The following MINDY4 variants were observed in gnomAD, a reference collection of about 807,000 sequenced individuals.
The protein encoded by MINDY4 is MINDY lysine 48 deubiquitinase 4, also known as probable ubiquitin carboxyl-terminal hydrolase MINDY-4.
In MINDY4, 68 loss-of-function variants were observed where a neutral mutation model predicts 87.0. The observed-to-expected ratio is 0.78, with a 90% CI of 0.64 to 0.96. The LOEUF (loss-of-function observed/expected upper bound fraction) is 0.96, where lower values mean the gene tolerates loss of function less well. MINDY4 is among the 40% of genes least tolerant of loss of function. The pLI is 0.00. For synonymous variants in MINDY4, 379 were observed against 363.2 expected, an observed-to-expected ratio of 1.04 and a Z score of -0.50; for missense variants, 919 against 928.2, an observed-to-expected ratio of 0.99 and a Z score of 0.13.
intron 13 of MINDY4, among the ~76,000 whole-genome samples, chr7:30,864,924 A>G (rs1789886863): frequency 6.6e-6 from 1 of 152,222 alleles, no homozygotes; most frequent in Non-Finnish European, 1.5e-5. Flanking sequence ...TCTGGGGGGA[A>G]TCACGGGGGT....
intron 1 of MINDY4, among the ~76,000 whole-genome samples, chr7:30,774,680 T>A (rs954056499): frequency 6.6e-6 from 1 of 151,970 alleles, no homozygotes; most frequent in Non-Finnish European, 1.5e-5. Context: ...CCCTTCTTGA[T>A]CTAATGATTA....
intron 4 of MINDY4, chr7:30,786,245 T>C (rs1455352429): frequency 2.1e-6 from 1 of 487,248 alleles, no homozygotes; most frequent in Non-Finnish European, 3.7e-6. Context: ...TGGTTTTCTG[T>C]TCCTCTGCTG....
At chr7:30,817,744 A>G (rs1394331403) in intron 5 of MINDY4, among the ~76,000 whole-genome samples, 1 of 152,224 alleles carries the variant, frequency 6.6e-6, no homozygotes, top group Non-Finnish European at 1.5e-5. Context: ...GTCTGTTGCC[A>G]GGTGATGCCA....
chr7:30,828,798 C>G, intron 6 of MINDY4, 61 bp downstream of exon 6: 2 of 1,571,466 alleles, frequency 1.3e-6, no homozygotes, highest in East Asian at 2.2e-5. Flanking sequence ...CTCGTTGGCT[C>G]TGTCTGGGAG....
At chr7:30,880,184 G>T (rs1179159466) in intron 15 of MINDY4, among the ~76,000 whole-genome samples, 1 of 152,120 alleles carries the variant, frequency 6.6e-6, no homozygotes, top group Non-Finnish European at 1.5e-5. Flanking sequence ...TCCATGGATG[G>T]CTTTAGGCCA....
At chr7:30,867,384 T>G (rs1789972919) in intron 13 of MINDY4, among the ~76,000 whole-genome samples, 1 of 152,308 alleles carries the variant, frequency 6.6e-6, no homozygotes, top group Middle Eastern at 3.4e-3. Flanking sequence ...TTTTTGTTAT[T>G]CTGGTTGTTA....
At chr7:30,795,771 C>A (rs1190357588) in intron 5 of MINDY4, among the ~76,000 whole-genome samples, 1 of 152,178 alleles carries the variant, frequency 6.6e-6, no homozygotes, top group East Asian at 1.9e-4. Context: ...TTGCCTTTTC[C>A]AGGTTTAAGA....
In MINDY4 at chr7:30,840,810, A is replaced by G. The variant is rs1419006872; in HGVS notation, c.1407A>G (p.Lys469=). The G allele has an allele frequency of 1.9e-6, 3 of 1,613,904 alleles. No homozygotes were observed. The highest frequency in any genetic ancestry group is 2.5e-6 in the Non-Finnish European group (3 of 1,179,974). Residue 469 remains lysine, a synonymous_variant, in exon 9 of 18, where the codon AAA becomes AAG. Transcript: ENST00000265299. ...LAAVQGCVLQ[K]LLFEGDSKAD... ...CTGTCCAAGGCTGTGTCCTACAGAA[A>G]CTCCTGTTTGAAGGAGATAGCAAAG...
In MINDY4 at chr7:30,790,811, A is replaced by C. The variant is rs112087917; in HGVS notation, c.664-354A>C. On this transcript the variant is annotated intron_variant, in intron 4 of 17. Coordinates refer to ENST00000265299, the MANE Select transcript of MINDY4 (RefSeq NM_032222.3). ...TGGTTATATTACAGGTGAGGAAATC[A>C]GGGACAGAGAAGTTAAGCAGCTTGC... Among the ~76,000 whole-genome samples the C allele has an allele frequency of 1.2e-4, 19 of 152,344 alleles. 2 individuals are homozygous for C. Among genetic ancestry groups the C allele is most frequent in the African/African-American group, 4.3e-4 (18 of 41,580 alleles).
chr7:30,842,779 A>G (rs1292994167), intron 9 of MINDY4, among the ~76,000 whole-genome samples: 3 of 152,086 alleles, frequency 2.0e-5, no homozygotes, highest in African/African-American at 7.2e-5. Context: ...ATTCCCCTTC[A>G]TATGCATCCT....
At chr7:30,801,547 A>G (rs1413921374) in intron 5 of MINDY4, among the ~76,000 whole-genome samples, 1 of 151,884 alleles carries the variant, frequency 6.6e-6, no homozygotes. Context: ...ATTTTACCCT[A>G]TACATGTGCC....
At chr7:30,869,696 C>G (rs1790044376) in intron 13 of MINDY4, among the ~76,000 whole-genome samples, 1 of 152,156 alleles carries the variant, frequency 6.6e-6, no homozygotes, top group African/African-American at 2.4e-5. Flanking sequence ...AAGTTAGTCA[C>G]CCCTTGAAAG....
At chr7:30,816,472 G>A (rs984006894) in intron 5 of MINDY4, among the ~76,000 whole-genome samples, 1 of 152,182 alleles carries the variant, frequency 6.6e-6, no homozygotes, top group Non-Finnish European at 1.5e-5. Context: ...CGGAAAGAGA[G>A]TTAAGCTGAG....
rs374963616 is a variant in MINDY4, at chr7:30,882,349, C to T, written c.2140C>T (p.Arg714Trp). The change falls in exon 16 of 18, where the codon CGG (arginine) becomes TGG (tryptophan). Residue 714 changes from arginine (R) to tryptophan (W), a missense_variant. By Grantham distance (101) the Arg-to-Trp change is moderately radical. Transcript: ENST00000265299. ...CCTGGCCAACCAGCAGGAGCAGATC[C>T]GGCTGACCATTGGTGCGGGCCCTCA... is the stretch of plus-strand genomic sequence containing the variant. Reference protein sequence around the residue: ...DGLANQQEQIRLTIDTTQTIS... With the variant: ...DGLANQQEQIWLTIDTTQTIS... 150 of 1,596,522 alleles carry T rather than the reference C, an allele frequency of 9.4e-5. No homozygotes were observed. Among genetic ancestry groups the T allele is most frequent in the Non-Finnish European group, 1.2e-4 (137 of 1,167,486 alleles).
At chr7:30,888,371 G>T (rs1790697852) in intron 17 of MINDY4, among the ~76,000 whole-genome samples, 2 of 152,134 alleles carry the variant, frequency 1.3e-5, no homozygotes, top group South Asian at 2.1e-4. Flanking sequence ...ATTTCATAAT[G>T]CACACCACGG....
In MINDY4 at chr7:30,836,675, T is replaced by A; in HGVS notation, c.1150T>A (p.Leu384Met). Residue 384 changes from leucine to methionine, a missense_variant, in exon 7 of 18, where the codon TTG (leucine) becomes ATG (methionine). Physicochemically the swap from Leu to Met is conservative, Grantham distance 15 (BLOSUM62 2). Coordinates refer to ENST00000265299, the MANE Select transcript of MINDY4 (RefSeq NM_032222.3). ...ALRLEDVEDE[L>M]IREEVILSPV... ...TCTTTCAGAGGATGTGGAGGATGAGTTGATAAGGGAAGAGGTCATCCTGTC... is the reference window on the plus strand; with the variant it reads ...TCTTTCAGAGGATGTGGAGGATGAGATGATAAGGGAAGAGGTCATCCTGTC... The A allele has an allele frequency of 6.2e-7, 1 of 1,614,022 alleles. No homozygotes were observed. The highest frequency in any genetic ancestry group is 8.5e-7 in the Non-Finnish European group (1 of 1,179,938).
intron 14 of MINDY4, among the ~76,000 whole-genome samples, chr7:30,873,192 A>G (rs1406423415): frequency 6.6e-6 from 1 of 152,192 alleles, no homozygotes; most frequent in African/African-American, 2.4e-5. Context: ...CCACCACCCT[A>G]GAGGAAGGCC....
intron 12 of MINDY4, among the ~76,000 whole-genome samples, chr7:30,854,779 C>A (rs1473272734): frequency 6.6e-6 from 1 of 152,228 alleles, no homozygotes; most frequent in East Asian, 1.9e-4. Flanking sequence ...CAGGCCCTGG[C>A]AGCACCAGAT....
At chr7:30,825,922 G>C (rs1310982715) in intron 5 of MINDY4, among the ~76,000 whole-genome samples, 5 of 152,212 alleles carry the variant, frequency 3.3e-5, no homozygotes, top group African/African-American at 1.2e-4. Context: ...GGTGTTGAAA[G>C]GGCTGGTTGT....
Sources: allele counts gnomAD v4.1 joint callset (sites outside exome capture counted in the v4.1 genomes callset), GRCh38; gene constraint gnomAD v4.1.1; transcripts MANE v1.5; gene names NCBI Gene and HGNC (gene_info 2026-07-23, HGNC 2026-07-21).